Variants in NSL1 observed in about 807,000 individuals in gnomAD.
The protein encoded by NSL1 is NSL1 component of MIS12 kinetochore complex.
Under a neutral mutation model 25.4 loss-of-function variants are expected in NSL1, and 11 were observed. That is an observed-to-expected ratio of 0.43 (90% CI 0.27 to 0.72). NSL1 has a LOEUF of 0.72. Among genes scored for constraint, NSL1 ranks in the 30% least tolerant of loss-of-function variants. The pLI, the probability that NSL1 is intolerant of heterozygous loss-of-function variation, is 0.19. For synonymous variants in NSL1, 118 were observed against 120.6 expected, an observed-to-expected ratio of 0.98 and a Z score of 0.14; for missense variants, 330 against 342.7, an observed-to-expected ratio of 0.96 and a Z score of 0.29.
At position 212,727,735 on chromosome 1, in the gene NSL1, TA is replaced by T; in HGVS notation, c.*10672del. The T allele has an allele frequency of 4.1e-6, 4 of 984,866 alleles. No homozygotes were observed. Among genetic ancestry groups the T allele is most frequent in the Non-Finnish European group, 4.8e-6 (4 of 829,394 alleles). 61.0% of individuals were successfully genotyped at this position (984,866 alleles called of 1,614,324 possible). A position where few individuals can be genotyped will look rare whatever the true frequency, so the allele number is the denominator to read the frequency against. On this transcript the variant is annotated 3_prime_UTR_variant, in exon 6 of 6. Coordinates refer to ENST00000366977, the MANE Select transcript of NSL1 (RefSeq NM_015471.4). ...TGATGATTTATATTTCCCAAGAAATTAACAGCAAAAGTTCATATTTAACCTC... is the reference window on the plus strand; with the variant it reads ...TGATGATTTATATTTCCCAAGAAATTACAGCAAAAGTTCATATTTAACCTC...
chr1:212,743,647 G>A (rs1658612189), intron 4 of NSL1, among the ~76,000 whole-genome samples: 1 of 151,972 alleles, frequency 6.6e-6, no homozygotes, highest in Non-Finnish European at 1.5e-5. Context: ...CAAAAATGGT[G>A]GCATAGGAGA....
intron 4 of NSL1, among the ~76,000 whole-genome samples, chr1:212,776,051 G>A (rs374714273): frequency 2.0e-5 from 3 of 152,220 alleles, no homozygotes; most frequent in Admixed American, 6.5e-5. Flanking sequence ...TCCTGAGCTC[G>A]TGATCCGCCC....
intron 4 of NSL1, among the ~76,000 whole-genome samples, chr1:212,777,495 G>A (rs1483513821): frequency 3.9e-5 from 6 of 152,204 alleles, no homozygotes; most frequent in Non-Finnish European, 8.8e-5. Context: ...ATAGCTAAAT[G>A]AATAGAGAGC....
At chr1:212,779,443 G>T (rs1161512555) in intron 4 of NSL1, among the ~76,000 whole-genome samples, 3 of 123,554 alleles carry the variant, frequency 2.4e-5, no homozygotes, top group East Asian at 5.3e-4. Flanking sequence ...GCCTCTGCCC[G>T]GCCGCCCCTA....
intron 4 of NSL1, among the ~76,000 whole-genome samples, chr1:212,773,009 T>G (rs78509166): frequency 0.023 from 3,466 of 152,224 alleles, 62 homozygotes; most frequent in South Asian, 0.042. Flanking sequence ...AGAATAAAAC[T>G]AGACTCCTAT....
chr1:212,779,459 A>G (rs1660579749), intron 4 of NSL1, among the ~76,000 whole-genome samples: 3 of 114,136 alleles, frequency 2.6e-5, no homozygotes, highest in Non-Finnish European at 3.6e-5. Context: ...CCCTACTGGG[A>G]AGTGAGGAGC....
chr1:212,748,391 C>T (rs572326818), intron 4 of NSL1, among the ~76,000 whole-genome samples: 23 of 152,002 alleles, frequency 1.5e-4, no homozygotes, highest in Non-Finnish European at 7.4e-5. Flanking sequence ...TATATATCTA[C>T]GAGAGATGAG....
chr1:212,754,982 G>A (rs1273456683), intron 4 of NSL1, among the ~76,000 whole-genome samples: 1 of 152,138 alleles, frequency 6.6e-6, no homozygotes, highest in Non-Finnish European at 1.5e-5. Context: ...GGGCCAGATG[G>A]AAGGCAACCA....
chr1:212,791,271 TCTTA>T lies in NSL1; in HGVS notation c.234+255_234+258del, dbSNP rs552836034. 4.6e-3 allele frequency among the ~76,000 whole-genome samples: 695 copies of T among 152,358 alleles called. 4 individuals are homozygous for T. The highest frequency in any genetic ancestry group is 0.016 in the African/African-American group (670 of 41,582). ...CTTATTTCCATTAACTTCACCTATT[TCTTA>T]CTTTTAGTTTAAAACTACATAAAGA... On this transcript the variant is annotated intron_variant, in intron 1 of 5. Transcript: ENST00000366977.
chr1:212,763,823 CAAT>C (rs1175840003), intron 4 of NSL1, among the ~76,000 whole-genome samples: 1 of 152,014 alleles, frequency 6.6e-6, no homozygotes, highest in Non-Finnish European at 1.5e-5. Context: ...GGCAACAACA[CAAT>C]AATAGTGTGG....
At position 212,745,204 on chromosome 1, in the gene NSL1, G is replaced by A. The variant is rs369896618; in HGVS notation, c.500-5603C>T. Reference sequence around the variant, plus strand: ...TATATATATATATATATATATATATGCATATGCATATGCATAACAAGAGTC... The same window carrying A: ...TATATATATATATATATATATATATACATATGCATATGCATAACAAGAGTC... On this transcript the variant is annotated intron_variant, in intron 4 of 5. Transcript: ENST00000366977. Among the ~76,000 whole-genome samples the A allele has an allele frequency of 2.7e-3, 173 of 63,330 alleles. 1 individual carries two copies. Among genetic ancestry groups the A allele is most frequent in the African/African-American group, 0.017 (141 of 8,466 alleles). The allele number at this position is 63,330 out of a possible 152,430, so 41.5% of individuals were successfully genotyped here.
At chr1:212,784,280 CTT>C (rs1445886084) in intron 3 of NSL1, 81 bp downstream of exon 3, 1 of 905,174 alleles carries the variant, frequency 1.1e-6, no homozygotes, top group African/African-American at 1.7e-5. Context: ...CAAAATGTCA[CTT>C]ATCTCCACGT....
At chr1:212,773,506 A>G (rs1477417267) in intron 4 of NSL1, among the ~76,000 whole-genome samples, 16 of 152,218 alleles carry the variant, frequency 1.1e-4, no homozygotes, top group Admixed American at 1.0e-3. Flanking sequence ...CAGTTAAGAT[A>G]TGACTACTAT....
intron 1 of NSL1, among the ~76,000 whole-genome samples, chr1:212,791,112 G>C (rs1264587495): frequency 6.6e-6 from 1 of 151,744 alleles, no homozygotes; most frequent in Non-Finnish European, 1.5e-5. Context: ...AATGTAACTA[G>C]TTCGAAGATG....
At position 212,727,265 on chromosome 1, in the gene NSL1, TCA is replaced by T. The variant is rs560644918; in HGVS notation, c.*11141_*11142del. The T allele has an allele frequency of 2.8e-4, 385 of 1,369,894 alleles. 2 individuals are homozygous for T. The African/African-American group carries it at 5.3e-3, about 19-fold the overall frequency. The allele number at this position is 1,369,894 out of a possible 1,614,324, so 84.9% of individuals were successfully genotyped here. The stretch of plus-strand genomic sequence containing the variant: ...TGGCTTTCAAGACTTGCCTTGAGAC[TCA>T]GAGCTGTTTCACAACCCTTTGTTCC... On this transcript the variant is annotated 3_prime_UTR_variant, in exon 6 of 6. Coordinates refer to ENST00000366977, the MANE Select transcript of NSL1 (RefSeq NM_015471.4).
intron 4 of NSL1, among the ~76,000 whole-genome samples, chr1:212,762,201 G>A (rs775424685): frequency 6.6e-6 from 1 of 150,994 alleles, no homozygotes; most frequent in Non-Finnish European, 1.5e-5. Context: ...GGGAGGCTGA[G>A]GCAGGAGAAT....
Position 212,753,702 on chromosome 1 carries a change from C to T in NSL1, c.500-14101G>A, listed in dbSNP as rs1659168913. 2.0e-5 allele frequency among the ~76,000 whole-genome samples: 3 copies of T among 152,240 alleles called. No homozygotes were observed. In the South Asian group the frequency reaches 6.2e-4, roughly 32 times the overall value. ...AGTCACTCATGATGTATTTATTGGG[C>T]ATGCTGCTATATGCTGGCTATATAT... On this transcript the variant is annotated intron_variant, in intron 4 of 5. Transcript: ENST00000366977.
Position 212,736,279 on chromosome 1 carries a change from C to T in NSL1, c.*2129G>A. The T allele has an allele frequency of 1.1e-6, 1 of 888,834 alleles. No individual in the cohort carries two copies. 55.1% of individuals were successfully genotyped at this position (888,834 alleles called of 1,614,324 possible). ...GCTCAAGTAATCTGTCCACTTCAGC[C>T]TCCCAAAGTGCTGGGATTACAGGCA... On this transcript the variant is annotated 3_prime_UTR_variant, in exon 6 of 6. Transcript: ENST00000366977.
At chr1:212,750,485 A>T (rs931108712) in intron 4 of NSL1, among the ~76,000 whole-genome samples, 3 of 152,214 alleles carry the variant, frequency 2.0e-5, no homozygotes, top group Non-Finnish European at 4.4e-5. Context: ...CCAGGCCTAG[A>T]CAGCAGCCAG....
Sources: allele counts gnomAD v4.1 joint callset (sites outside exome capture counted in the v4.1 genomes callset), GRCh38; gene constraint gnomAD v4.1.1; transcripts MANE v1.5; gene names NCBI Gene and HGNC (gene_info 2026-07-23, HGNC 2026-07-21).